Variants in IGF2BP2 observed in about 807,000 individuals in gnomAD.
The protein encoded by IGF2BP2 is insulin like growth factor 2 mRNA binding protein 2.
A neutral mutation model predicts 75.8 loss-of-function variants in IGF2BP2; 17 were observed. The observed-to-expected ratio is 0.22, with a 90% confidence interval of 0.15 to 0.34. The LOEUF (loss-of-function observed/expected upper bound fraction) is 0.34. Ranked by LOEUF, IGF2BP2 falls within the 10% of genes least tolerant of loss-of-function variation. The probability of loss-of-function intolerance (pLI) is 1.00; values close to 1 mark genes in which losing one functional copy is unlikely to be tolerated. For missense variants in IGF2BP2, 516 were observed against 772.4 expected (o/e 0.67, Z 3.93); for synonymous variants, 288 against 295.6 (o/e 0.97, Z 0.26).
intron 2 of IGF2BP2, among the ~76,000 whole-genome samples, chr3:185,751,536 A>G (rs1330005848): frequency 1.4e-5 from 2 of 146,666 alleles, no homozygotes; most frequent in Non-Finnish European, 3.0e-5. Flanking sequence ...TGCTACTAGT[A>G]TTCTCCTGCT....
rs1434251857 is a variant in IGF2BP2, at chr3:185,679,405, AAATT to A, written c.813-3496_813-3493del. Among the ~76,000 whole-genome samples, 5 of 152,156 alleles carry A rather than the reference AAATT, an allele frequency of 3.3e-5. No homozygotes were observed. In the South Asian group the frequency reaches 1.0e-3, roughly 32 times the overall value. On this transcript the variant is annotated intron_variant, in intron 7 of 15. Transcript: ENST00000382199. ...TTTTTACCCCATCCCCAAATATCACAAATTAACATCTTTATATGTTTTTATACCC... is the reference window on the plus strand; with the variant it reads ...TTTTTACCCCATCCCCAAATATCACAAACATCTTTATATGTTTTTATACCC...
chr3:185,685,857 T>C (rs1721049092), intron 7 of IGF2BP2, among the ~76,000 whole-genome samples: 1 of 152,350 alleles, frequency 6.6e-6, no homozygotes, highest in African/African-American at 2.4e-5. Flanking sequence ...TTGCCCAGCC[T>C]GGTCTCAAAC....
At chr3:185,711,172 A>G (rs895105611) in intron 2 of IGF2BP2, among the ~76,000 whole-genome samples, 1 of 152,234 alleles carries the variant, frequency 6.6e-6, no homozygotes, top group Non-Finnish European at 1.5e-5. Flanking sequence ...ATTAGGGCAG[A>G]GATAACTTTA....
chr3:185,815,353 C>T (rs909118591), intron 2 of IGF2BP2, among the ~76,000 whole-genome samples: 2 of 152,122 alleles, frequency 1.3e-5, no homozygotes, highest in African/African-American at 2.4e-5. Context: ...GAATAATATA[C>T]AAAGTTACTT....
intron 2 of IGF2BP2, among the ~76,000 whole-genome samples, chr3:185,718,556 G>A (rs1488871890): frequency 2.0e-5 from 3 of 151,822 alleles, no homozygotes; most frequent in African/African-American, 4.8e-5. Flanking sequence ...GTGGTGGCAC[G>A]TGCCTATGGT....
chr3:185,645,193 C>T lies in IGF2BP2; in HGVS notation c.*338G>A. The T allele has an allele frequency of 3.2e-6, 1 of 311,606 alleles. No individual in the cohort carries two copies. The highest frequency in any genetic ancestry group is 4.4e-5 in the Admixed American group (1 of 22,886). 19.3% of individuals were successfully genotyped at this position (311,606 alleles called of 1,614,324 possible). A position where few individuals can be genotyped will look rare whatever the true frequency, so the allele number is the denominator to read the frequency against. On this transcript the variant is annotated 3_prime_UTR_variant, in exon 16 of 16. Coordinates refer to ENST00000382199, the MANE Select transcript of IGF2BP2 (RefSeq NM_006548.6). This position sits in a 1 kb window ranked among gnomAD's most constrained non-coding sequence, Gnocchi z 4.9. ...GGTGTGCATTTTGCTTGGCTTTGAA[C>T]ACGTTCACCTATGTTAGTTCAACTA...
chr3:185,806,864 T>C (rs1005266353), intron 2 of IGF2BP2, among the ~76,000 whole-genome samples: 3 of 152,218 alleles, frequency 2.0e-5, no homozygotes, highest in Non-Finnish European at 4.4e-5. Context: ...CGTTGTAGTT[T>C]TAGCAGGGGA....
intron 7 of IGF2BP2, among the ~76,000 whole-genome samples, chr3:185,684,642 A>G (rs940627932): frequency 2.0e-5 from 3 of 152,146 alleles, no homozygotes; most frequent in African/African-American, 7.2e-5. Flanking sequence ...CCTGGCCTCA[A>G]GTGATCCGCC....
At chr3:185,776,524 C>T (rs1734555908) in intron 2 of IGF2BP2, among the ~76,000 whole-genome samples, 1 of 152,098 alleles carries the variant, frequency 6.6e-6, no homozygotes, top group Admixed American at 6.6e-5. Flanking sequence ...TGCTGAGCCT[C>T]GTTTTGAACG....
At chr3:185,668,501 A>G (rs1278694933) in intron 10 of IGF2BP2, among the ~76,000 whole-genome samples, 1 of 128,028 alleles carries the variant, frequency 7.8e-6, no homozygotes, top group Non-Finnish European at 1.7e-5. Context: ...AGAGAGAGAG[A>G]GAGAGAGATA....
intron 2 of IGF2BP2, among the ~76,000 whole-genome samples, chr3:185,743,671 TTTAG>T (rs892756598): frequency 1.6e-4 from 24 of 152,248 alleles, no homozygotes; most frequent in African/African-American, 5.1e-4. Flanking sequence ...AACAGCTGGC[TTTAG>T]TTATAGTATC....
chr3:185,730,480 G>A lies in IGF2BP2; in HGVS notation c.240-32133C>T, dbSNP rs962673675. Among the ~76,000 whole-genome samples the A allele has an allele frequency of 2.1e-5, 3 of 145,824 alleles. No individual in the cohort carries two copies. The Admixed American group carries it at 2.1e-4, about 10-fold the overall frequency. On this transcript the variant is annotated intron_variant, in intron 2 of 15. Coordinates refer to ENST00000382199, the MANE Select transcript of IGF2BP2 (RefSeq NM_006548.6). The stretch of plus-strand genomic sequence containing the variant: ...ACGGAGTTTGACTCTTGTTTCCCAG[G>A]CTGGAGTGCAATGGCACAGTCTCGG...
At chr3:185,651,736 T>C (rs891796897) in intron 13 of IGF2BP2, among the ~76,000 whole-genome samples, 11 of 152,182 alleles carry the variant, frequency 7.2e-5, no homozygotes, top group Non-Finnish European at 1.6e-4. Flanking sequence ...ACCATGCTAC[T>C]TCCCCTTACA....
At chr3:185,714,173 A>G (rs1414092348) in intron 2 of IGF2BP2, among the ~76,000 whole-genome samples, 1 of 148,788 alleles carries the variant, frequency 6.7e-6, no homozygotes, top group African/African-American at 2.5e-5. Flanking sequence ...TTTTTTTTTT[A>G]CCCAAACACA....
At chr3:185,727,127 A>G (rs1272895072) in intron 2 of IGF2BP2, among the ~76,000 whole-genome samples, 1 of 151,672 alleles carries the variant, frequency 6.6e-6, no homozygotes, top group Admixed American at 6.6e-5. Flanking sequence ...CTGAGGCAGG[A>G]GAATCGCTTG....
intron 13 of IGF2BP2, 113 bp downstream of exon 13, chr3:185,651,981 G>T: frequency 1.4e-6 from 1 of 713,708 alleles, no homozygotes; most frequent in Non-Finnish European, 2.2e-6. Context: ...TTGGTGGGCA[G>T]CAGCAGGGAG....
rs1338742779 is a variant in IGF2BP2 at position 185,645,726 on chromosome 3, G to A, written c.1708-103C>T. ...GCTCTGGGGCTTGGGGATGAAGGGT[G>A]GAATGCTCAGACAAGCATCATCTAC... On this transcript the variant is annotated intron_variant, in intron 15 of 15. Coordinates refer to ENST00000382199, the MANE Select transcript of IGF2BP2 (RefSeq NM_006548.6). The surrounding 1 kb of genome is among the most constrained non-coding windows in gnomAD (Gnocchi z 4.9). 1 of 807,646 alleles carries A rather than the reference G, an allele frequency of 1.2e-6. No individual in the cohort carries two copies. Among genetic ancestry groups the A allele is most frequent in the African/African-American group, 1.7e-5 (1 of 59,098 alleles). 50.0% of individuals were successfully genotyped at this position (807,646 alleles called of 1,614,324 possible).
intron 2 of IGF2BP2, among the ~76,000 whole-genome samples, chr3:185,768,581 T>C (rs990059401): frequency 2.0e-5 from 3 of 152,242 alleles, no homozygotes; most frequent in African/African-American, 4.8e-5. Context: ...AAAAATGATA[T>C]AAATTTTCTG....
At chr3:185,740,402 TCA>T (rs1379359434) in intron 2 of IGF2BP2, among the ~76,000 whole-genome samples, 2 of 152,180 alleles carry the variant, frequency 1.3e-5, no homozygotes, top group East Asian at 3.8e-4. Context: ...CTCAAAACAT[TCA>T]CAGTCTAATA....
Sources: allele counts gnomAD v4.1 joint callset (sites outside exome capture counted in the v4.1 genomes callset), GRCh38; gene constraint gnomAD v4.1.1; non-coding constraint Gnocchi (gnomAD v3.1); transcripts MANE v1.5; gene names NCBI Gene and HGNC (gene_info 2026-07-23, HGNC 2026-07-21).